ANKRD30B: variants seen among roughly 807,000 people sequenced by gnomAD.
ANKRD30B encodes the protein ankyrin repeat domain-containing protein 30B.
In ANKRD30B, 144 loss-of-function variants were observed where a neutral mutation model predicts 202.2. The observed-to-expected ratio is 0.71, with a 90% CI of 0.62 to 0.82. The LOEUF (loss-of-function observed/expected upper bound fraction) is 0.82. ANKRD30B is among the 40% of genes least tolerant of loss of function. The pLI is 0.00. For synonymous variants in ANKRD30B, 508 were observed against 561.3 expected, an observed-to-expected ratio of 0.91 and a Z score of 1.34; for missense variants, 1,487 against 1,669.1, an observed-to-expected ratio of 0.89 and a Z score of 1.90.
chr18:14,850,341 C>T lies in ANKRD30B; in HGVS notation c.3523C>T (p.Gln1175Ter). Residue 1175 changes from glutamine (Q) to a stop codon, truncating the protein, a stop_gained, in exon 41 of 44, where the codon CAA becomes TAA. Transcript: ENST00000690538. LOFTEE classifies it high-confidence loss of function. ...ACAACTTGAACAGACTCTCAGAATA[C>T]AAGATATAGAATTGAAAAGTGTAAC... ...KQQLEQTLRI[Q>*]DIELKSVTSN... The T allele has an allele frequency of 1.3e-6, 2 of 1,582,296 alleles. No homozygotes were observed. Among genetic ancestry groups the T allele is most frequent in the South Asian group, 1.2e-5 (1 of 85,064 alleles).
Position 14,786,955 on chromosome 18 carries a change from GA to G in ANKRD30B, c.1673-82del, listed in dbSNP as rs1386220176. On this transcript the variant is annotated intron_variant, in intron 14 of 43. Coordinates refer to ENST00000690538, the MANE Select transcript of ANKRD30B (RefSeq NM_001367607.2). Reference sequence around the variant, plus strand: ...TACAGAGGAAAAACTACAGATTCGTGAATGAAAGTAGACTTGTGTATGTTTT... The same window carrying G: ...TACAGAGGAAAAACTACAGATTCGTGATGAAAGTAGACTTGTGTATGTTTT... 2.2e-6 allele frequency: 3 copies of G among 1,352,308 alleles called. No homozygotes were observed. In the East Asian group the frequency reaches 7.5e-5, roughly 34 times the overall value. 83.8% of individuals were successfully genotyped at this position (1,352,308 alleles called of 1,614,324 possible).
chr18:14,929,271 C>A, the ANKRD30B span, among the ~76,000 whole-genome samples: 2 of 152,214 alleles, frequency 1.3e-5, no homozygotes, highest in Non-Finnish European at 2.9e-5. Context: ...CAACTCACCC[C>A]TGAAGATGAG....
chr18:14,819,698 C>T (rs1263730647), intron 30 of ANKRD30B, among the ~76,000 whole-genome samples: 1 of 151,824 alleles, frequency 6.6e-6, no homozygotes, highest in Non-Finnish European at 1.5e-5. Context: ...TTTCTGAGGG[C>T]TCTGTTCTGT....
chr18:14,858,878 C>T (rs1365750282), downstream of ANKRD30B, among the ~76,000 whole-genome samples: 47 of 96,474 alleles, frequency 4.9e-4, 1 homozygote, highest in African/African-American at 1.4e-3. Context: ...CCAGACATCA[C>T]GGCCAGGCAG....
chr18:14,763,953 G>C lies in ANKRD30B; in HGVS notation c.1088G>C (p.Trp363Ser), dbSNP rs2143734314. ...AAAGAAAGATCTAGGAAGATCACAT[G>C]GGAGGAAAAAGAAACATCTGTAAAG... is the stretch of plus-strand genomic sequence containing the variant. ...PAKERSRKIT[W>S]EEKETSVKTE... The change falls in exon 7 of 44, where the codon TGG (tryptophan) becomes TCG (serine). Residue 363 changes from tryptophan to serine, a missense_variant. Around this residue, in one of 6 missense-constraint regions of ANKRD30B, gnomAD observed 889 missense variants for 841.4 expected, o/e 1.06. Coordinates refer to ENST00000690538, the MANE Select transcript of ANKRD30B (RefSeq NM_001367607.2). The C allele has an allele frequency of 6.2e-7, 1 of 1,608,874 alleles. No individual in the cohort carries two copies. Among genetic ancestry groups the C allele is most frequent in the East Asian group, 2.2e-5 (1 of 44,500 alleles).
chr18:14,831,545 T>C (rs1970939746), intron 34 of ANKRD30B, 90 bp downstream of exon 34: 2 of 576,056 alleles, frequency 3.5e-6, no homozygotes, highest in Non-Finnish European at 6.0e-6. Context: ...GGTGTATGTA[T>C]CATAATTTCA....
In ANKRD30B at chr18:14,838,515, A is replaced by AT. The variant is rs1021330016; in HGVS notation, c.2988+848dup. 8.1e-4 allele frequency among the ~76,000 whole-genome samples: 122 copies of AT among 151,544 alleles called. 1 individual carries two copies. Among genetic ancestry groups the AT allele is most frequent in the African/African-American group, 2.2e-3 (90 of 41,308 alleles). On this transcript the variant is annotated intron_variant, in intron 36 of 43. Transcript: ENST00000690538. ...TTGAGTAGTATTTTAATAAGTGGAC[A>AT]TTTTTTTTTCACAAATAGAACTCTT...
At chr18:14,934,796 A>T in the ANKRD30B span, among the ~76,000 whole-genome samples, 2 of 152,094 alleles carry the variant, frequency 1.3e-5, no homozygotes, top group African/African-American at 2.4e-5. Context: ...CAGTCATGGG[A>T]GACGCTGGCA....
chr18:14,782,714 A>G, intron 12 of ANKRD30B, 100 bp downstream of exon 12: 3 of 642,446 alleles, frequency 4.7e-6, no homozygotes, highest in Middle Eastern at 6.9e-4. Context: ...TACCCACTAA[A>G]TACATAACAT....
At chr18:14,786,708 T>C (rs1968105124) in intron 14 of ANKRD30B, among the ~76,000 whole-genome samples, 1 of 152,194 alleles carries the variant, frequency 6.6e-6, no homozygotes, top group African/African-American at 2.4e-5. Flanking sequence ...AGATGATAGG[T>C]AATTAAAGTT....
chr18:14,763,542 T>G, intron 6 of ANKRD30B, 144 bp from the exon 7 acceptor site: 1 of 1,187,594 alleles, frequency 8.4e-7, no homozygotes, highest in Non-Finnish European at 1.2e-6. Flanking sequence ...AGAGCAAGAC[T>G]CCATCAAAAA....
chr18:14,875,953 G>A, the ANKRD30B span, among the ~76,000 whole-genome samples: 1 of 152,056 alleles, frequency 6.6e-6, no homozygotes, highest in African/African-American at 2.4e-5. Context: ...CATAGTAGAG[G>A]CCCCATAGAG....
chr18:14,840,561 A>G, intron 36 of ANKRD30B, 27 bp from the exon 37 acceptor site: 2 of 1,144,998 alleles, frequency 1.7e-6, no homozygotes, highest in Non-Finnish European at 2.3e-6. Context: ...AAAAAAAGAA[A>G]TTATTTATTA....
intron 30 of ANKRD30B, among the ~76,000 whole-genome samples, chr18:14,817,526 A>T (rs940576144): frequency 5.3e-5 from 8 of 152,174 alleles, no homozygotes; most frequent in Admixed American, 2.0e-4. Context: ...TTCGTTGATG[A>T]TGAGATAGCT....
At chr18:14,799,777 A>G (rs1455621815) in intron 22 of ANKRD30B, among the ~76,000 whole-genome samples, 1 of 152,022 alleles carries the variant, frequency 6.6e-6, no homozygotes, top group Non-Finnish European at 1.5e-5. Context: ...TATAATTTTT[A>G]AAAATCATTA....
At chr18:14,784,397 T>A in intron 13 of ANKRD30B, 33 bp downstream of exon 13, 1 of 1,612,454 alleles carries the variant, frequency 6.2e-7, no homozygotes, top group Non-Finnish European at 8.5e-7. Flanking sequence ...TTTGAATGAC[T>A]TATTAACTAT....
chr18:14,801,481 CAT>C (rs558556657), intron 22 of ANKRD30B, among the ~76,000 whole-genome samples: 1,733 of 141,444 alleles, frequency 0.012, 155 homozygotes, highest in African/African-American at 0.045. Context: ...TATCCTATAA[CAT>C]GTGGGGATGT....
chr18:14,793,644 C>T (rs1473590507), intron 16 of ANKRD30B, among the ~76,000 whole-genome samples: 1 of 152,060 alleles, frequency 6.6e-6, no homozygotes, highest in Admixed American at 6.6e-5. Context: ...CCTGTAATCC[C>T]AGCACTTTGG....
intron 30 of ANKRD30B, among the ~76,000 whole-genome samples, chr18:14,817,896 A>G (rs1016013331): frequency 6.6e-6 from 1 of 152,152 alleles, no homozygotes; most frequent in African/African-American, 2.4e-5. Context: ...TACCTGCAAT[A>G]TGGTCATGTA....
Sources: gnomAD v4.1 joint callset for allele counts (sites outside exome capture counted in the v4.1 genomes callset) on GRCh38, gnomAD v4.1.1 for gene constraint, gnomAD v4.1.1 regional missense constraint, MANE v1.5 for transcripts, NCBI Gene and HGNC (gene_info 2026-07-23, HGNC 2026-07-21) for gene names.